Variants in CACNA1C observed in about 807,000 individuals in gnomAD.
CACNA1C encodes the protein voltage-dependent L-type calcium channel subunit alpha-1C.
A neutral mutation model predicts 229.0 loss-of-function variants in CACNA1C; 30 were observed. That is an observed-to-expected ratio of 0.13 (90% CI 0.10 to 0.18). The LOEUF (loss-of-function observed/expected upper bound fraction) is 0.18. CACNA1C is among the 10% of genes least tolerant of loss of function. The pLI is 1.00. For synonymous variants in CACNA1C, 1,114 were observed against 1,132.5 expected, an observed-to-expected ratio of 0.98 and a Z score of 0.33; for missense variants, 1,658 against 2,845.0, an observed-to-expected ratio of 0.58 and a Z score of 9.49.
At position 2,677,389 on chromosome 12, in the gene CACNA1C, T is replaced by C. The variant is rs773075248; in HGVS notation, c.4956+168T>C. 1.4e-6 allele frequency: 1 copy of C among 738,852 alleles called. No individual in the cohort carries two copies. The highest frequency in any genetic ancestry group is 2.1e-6 in the Non-Finnish European group (1 of 465,468). 45.8% of individuals were successfully genotyped at this position (738,852 alleles called of 1,614,324 possible). Reference sequence around the variant, plus strand: ...AAAGATGGCTGTGAGAAGGGGGTGATGTGCCCTTCCCTACCTGCCACCCAC... The same window carrying C: ...AAAGATGGCTGTGAGAAGGGGGTGACGTGCCCTTCCCTACCTGCCACCCAC... On this transcript the variant is annotated intron_variant, in intron 40 of 46. Transcript: ENST00000399655. This position sits in a 1 kb window ranked among gnomAD's most constrained non-coding sequence, Gnocchi z 7.4.
chr12:2,478,925 A>T (rs921990445), intron 5 of CACNA1C, among the ~76,000 whole-genome samples: 1 of 152,218 alleles, frequency 6.6e-6, no homozygotes, highest in African/African-American at 2.4e-5. Context: ...AACCTTGATC[A>T]TCTGGGGAAA....
chr12:1,989,036 C>T (rs1304058627), intron 1 of CACNA1C, among the ~76,000 whole-genome samples: 1 of 152,202 alleles, frequency 6.6e-6, no homozygotes, highest in East Asian at 1.9e-4. Flanking sequence ...AATTTCATTG[C>T]AATCCTATAA....
intron 7 of CACNA1C, among the ~76,000 whole-genome samples, chr12:2,494,095 T>C (rs2099741877): frequency 6.6e-6 from 1 of 152,208 alleles, no homozygotes; most frequent in Admixed American, 6.5e-5. Context: ...ACATGAGACA[T>C]GGTGGTTTGT....
At chr12:2,377,539 G>A (rs1594644445) in intron 3 of CACNA1C, among the ~76,000 whole-genome samples, 1 of 152,140 alleles carries the variant, frequency 6.6e-6, no homozygotes, top group Admixed American at 6.5e-5. Context: ...TGTCAGCATG[G>A]TTCGCGTTGC....
chr12:2,119,793 A>G (rs945918480), intron 2 of CACNA1C, among the ~76,000 whole-genome samples: 1 of 152,218 alleles, frequency 6.6e-6, no homozygotes, highest in African/African-American at 2.4e-5. Context: ...CTGCCAGAGA[A>G]TGAGAGAGAA....
intron 3 of CACNA1C, among the ~76,000 whole-genome samples, chr12:2,229,518 C>A (rs559181898): frequency 4.5e-4 from 68 of 152,124 alleles, no homozygotes; most frequent in South Asian, 1.0e-3. Flanking sequence ...AGTAGAGAGA[C>A]AATGAATAAA....
rs568401034 is a variant in CACNA1C, at chr12:2,654,478, G to A, written c.4140+578G>A. Among the ~76,000 whole-genome samples the A allele has an allele frequency of 1.1e-4, 16 of 152,262 alleles. No individual in the cohort carries two copies. Among genetic ancestry groups the A allele is most frequent in the Admixed American group, 9.8e-4 (15 of 15,300 alleles). On this transcript the variant is annotated intron_variant, in intron 33 of 46. Coordinates refer to ENST00000399655, the MANE Select transcript of CACNA1C (RefSeq NM_000719.7). This position sits in a 1 kb window ranked among gnomAD's most constrained non-coding sequence, Gnocchi z 4.4. ...CGCAAACCTAGGGCTCTCCATTCCC[G>A]TCTTGGGGCTCCAGCTTGAGTCCCA...
chr12:2,615,676 A>G (rs2080119946), intron 29 of CACNA1C, among the ~76,000 whole-genome samples: 1 of 152,174 alleles, frequency 6.6e-6, no homozygotes, highest in Admixed American at 6.5e-5. Flanking sequence ...CTCTGAGGTC[A>G]CCAAGGAGGG....
intron 37 of CACNA1C, among the ~76,000 whole-genome samples, chr12:2,667,046 A>T (rs565948251): frequency 2.6e-5 from 4 of 152,208 alleles, no homozygotes; most frequent in African/African-American, 9.6e-5. Context: ...CTGGGGTGGG[A>T]GACTTCCCAG....
In CACNA1C at chr12:2,602,077, G is replaced by A. The variant is rs1601716095; in HGVS notation, c.2960+117G>A. 4 of 702,292 alleles carry A rather than the reference G, an allele frequency of 5.7e-6. No homozygotes were observed. The highest frequency in any genetic ancestry group is 2.1e-5 in the Admixed American group (1 of 48,100). The allele number at this position is 702,292 out of a possible 1,614,324, so 43.5% of individuals were successfully genotyped here. On this transcript the variant is annotated intron_variant, in intron 22 of 46. Coordinates refer to ENST00000399655, the MANE Select transcript of CACNA1C (RefSeq NM_000719.7). The surrounding 1 kb of genome is among the most constrained non-coding windows in gnomAD (Gnocchi z 4.4). Reference sequence around the variant, plus strand: ...GCCACCGCAGTGTGATGAGAGTGGGGTGGGGCCTCCAAAGCTGTGCATGGT... The same window carrying A: ...GCCACCGCAGTGTGATGAGAGTGGGATGGGGCCTCCAAAGCTGTGCATGGT...
At chr12:2,280,504 GT>G (rs1261473123) in intron 3 of CACNA1C, among the ~76,000 whole-genome samples, 2 of 68,058 alleles carry the variant, frequency 2.9e-5, no homozygotes, top group Non-Finnish European at 6.5e-5. Context: ...CTGTGCTTCG[GT>G]TTAACCTCTT....
chr12:2,553,227 C>T (rs943443251), intron 10 of CACNA1C, among the ~76,000 whole-genome samples: 2 of 152,166 alleles, frequency 1.3e-5, no homozygotes, highest in Non-Finnish European at 2.9e-5. Flanking sequence ...TCTGCAGAGG[C>T]TGGGGTGGGG....
rs142039612 is a variant in CACNA1C at position 2,486,283 on chromosome 12, C to T, written c.916+21C>T. 2,007 of 1,605,716 alleles carry T rather than the reference C, an allele frequency of 1.2e-3. 25 individuals are homozygous for T. In the African/African-American group the frequency reaches 0.024, roughly 19 times the overall value. On this transcript the variant is annotated intron_variant, in intron 6 of 46. Transcript: ENST00000399655. The surrounding 1 kb of genome is among the most constrained non-coding windows in gnomAD (Gnocchi z 4.9). ...AGCAGGTAAGAGGGGCAGGCGGCTG[C>T]GCTCCCAAGGCCCTGCCCTCTATCG...
chr12:2,169,263 A>G (rs2096376406), intron 3 of CACNA1C, among the ~76,000 whole-genome samples: 1 of 152,164 alleles, frequency 6.6e-6, no homozygotes, highest in African/African-American at 2.4e-5. Flanking sequence ...CCAGGATTGC[A>G]CGGCTTTTTA....
chr12:2,144,660 A>G (rs2094552191), intron 3 of CACNA1C, among the ~76,000 whole-genome samples: 1 of 151,412 alleles, frequency 6.6e-6, no homozygotes, highest in Non-Finnish European at 1.5e-5. Flanking sequence ...TGCTACTGAA[A>G]AAACAAAACC....
chr12:2,295,103 C>G (rs532028031), intron 3 of CACNA1C, among the ~76,000 whole-genome samples: 1 of 152,332 alleles, frequency 6.6e-6, no homozygotes, highest in African/African-American at 2.4e-5. Flanking sequence ...CACTCACCAG[C>G]CCTTCATGTG....
rs2154427730 is a variant in CACNA1C at position 2,275,574 on chromosome 12, T to C, written c.477+155144T>C. On this transcript the variant is annotated intron_variant, in intron 3 of 46. Coordinates refer to ENST00000399655, the MANE Select transcript of CACNA1C (RefSeq NM_000719.7). This position sits in a 1 kb window ranked among gnomAD's most constrained non-coding sequence, Gnocchi z 4.1. ...ACCTGCCACCTCCATCTGCACCTGC[T>C]TGTGGAGCCTGTGTCATGGAAGAGA... is the stretch of plus-strand genomic sequence containing the variant. 6.6e-6 allele frequency among the ~76,000 whole-genome samples: 1 copy of C among 152,126 alleles called. No individual in the cohort carries two copies. Among genetic ancestry groups the C allele is most frequent in the East Asian group, 1.9e-4 (1 of 5,168 alleles).
At chr12:2,490,244 G>A (rs994294120) in intron 6 of CACNA1C, among the ~76,000 whole-genome samples, 1 of 152,140 alleles carries the variant, frequency 6.6e-6, no homozygotes. Context: ...CTTTTTCGCA[G>A]ATATTCGTAA....
At chr12:2,322,710 C>T (rs571553494) in intron 3 of CACNA1C, among the ~76,000 whole-genome samples, 6 of 152,346 alleles carry the variant, frequency 3.9e-5, no homozygotes, top group South Asian at 2.1e-4. Context: ...TACCATGCCG[C>T]GTTGCACGGC....
Sources: allele counts gnomAD v4.1 joint callset (sites outside exome capture counted in the v4.1 genomes callset), GRCh38; gene constraint gnomAD v4.1.1; non-coding constraint Gnocchi (gnomAD v3.1); transcripts MANE v1.5; gene names NCBI Gene and HGNC (gene_info 2026-07-23, HGNC 2026-07-21).